Variants in RGS7 observed in about 807,000 individuals in gnomAD.
The protein encoded by RGS7 is regulator of G-protein signaling 7.
Under a neutral mutation model 81.1 loss-of-function variants are expected in RGS7, and 27 were observed. The ratio of observed to expected loss-of-function variants is 0.33; its 90% confidence interval spans 0.25 to 0.46. RGS7 has a LOEUF of 0.46. Ranked by LOEUF, RGS7 falls within the 20% of genes least tolerant of loss-of-function variation. The pLI is 1.00. For synonymous variants in RGS7, 208 were observed against 207.7 expected (o/e 1.00, Z -0.01); for missense variants, 396 against 607.4 (o/e 0.65, Z 3.66).
chr1:241,249,567 T>C (rs373734201), intron 2 of RGS7, among the ~76,000 whole-genome samples: 4 of 152,216 alleles, frequency 2.6e-5, no homozygotes, highest in East Asian at 3.8e-4. Context: ...TTCATTTCCA[T>C]ATAAATTTTA....
intron 3 of RGS7, among the ~76,000 whole-genome samples, chr1:241,038,549 A>T (rs1033154829): frequency 6.6e-6 from 1 of 152,238 alleles, no homozygotes; most frequent in Non-Finnish European, 1.5e-5. Flanking sequence ...AGCTGACTGA[A>T]AGAACAAACA....
chr1:240,895,632 G>A (rs1213974618), intron 6 of RGS7, among the ~76,000 whole-genome samples: 1 of 152,092 alleles, frequency 6.6e-6, no homozygotes, highest in East Asian at 1.9e-4. Context: ...CTTTTTTATG[G>A]CTGCATAGTA....
chr1:240,969,537 T>C (rs1181876700), intron 4 of RGS7, among the ~76,000 whole-genome samples: 1 of 152,206 alleles, frequency 6.6e-6, no homozygotes, highest in Non-Finnish European at 1.5e-5. Flanking sequence ...TTCTACAAGA[T>C]AAAAGACAGA....
chr1:241,005,395 C>T (rs1355011993), intron 3 of RGS7, among the ~76,000 whole-genome samples: 3 of 152,082 alleles, frequency 2.0e-5, no homozygotes, highest in South Asian at 4.1e-4. Flanking sequence ...AATTTAAATG[C>T]CCTCCTGATC....
At chr1:240,939,538 T>C (rs1265178050) in intron 4 of RGS7, among the ~76,000 whole-genome samples, 1 of 152,092 alleles carries the variant, frequency 6.6e-6, no homozygotes, top group Non-Finnish European at 1.5e-5. Context: ...ATAGTCCTGG[T>C]TAAATTCTGA....
intron 2 of RGS7, among the ~76,000 whole-genome samples, chr1:241,337,228 G>C (rs116533484): frequency 2.9e-4 from 44 of 152,186 alleles, no homozygotes; most frequent in African/African-American, 1.0e-3. Context: ...CCACCATTCT[G>C]TACTCCATTG....
At chr1:241,082,842 A>ACTGC (rs1321011968) in intron 3 of RGS7, among the ~76,000 whole-genome samples, 1 of 152,242 alleles carries the variant, frequency 6.6e-6, no homozygotes. Context: ...CAAAATATGT[A>ACTGC]CAACTATGAT....
chr1:241,324,342 C>A (rs12760760), intron 2 of RGS7, among the ~76,000 whole-genome samples: 31,005 of 144,476 alleles, frequency 0.21, 3,277 homozygotes, highest in East Asian at 0.27. Flanking sequence ...GCAAAAAAAA[C>A]AAAAAAAAAA....
At chr1:241,128,775 G>C (rs536436203) in intron 2 of RGS7, among the ~76,000 whole-genome samples, 484 of 35,186 alleles carry the variant, frequency 0.014, 9 homozygotes, top group African/African-American at 0.045. Context: ...CAGAATAATA[G>C]GCAAAAAAAA....
At chr1:241,259,667 A>AT (rs1553302296) in intron 2 of RGS7, among the ~76,000 whole-genome samples, 7,987 of 49,140 alleles carry the variant, frequency 0.16, 905 homozygotes, top group East Asian at 0.31. Context: ...AAAAAAAAAA[A>AT]ATATATATAT....
At chr1:241,076,862 A>G (rs952045828) in intron 3 of RGS7, among the ~76,000 whole-genome samples, 3 of 152,198 alleles carry the variant, frequency 2.0e-5, no homozygotes, top group African/African-American at 7.2e-5. Flanking sequence ...GAAAGAGTGT[A>G]ACTTTCAAAA....
intron 2 of RGS7, among the ~76,000 whole-genome samples, chr1:241,274,482 G>T (rs2078086768): frequency 6.6e-6 from 1 of 152,096 alleles, no homozygotes; most frequent in South Asian, 2.1e-4. Flanking sequence ...TATGTACATG[G>T]AACTAATATT....
intron 3 of RGS7, among the ~76,000 whole-genome samples, chr1:241,052,326 TA>T (rs1346412288): frequency 6.6e-6 from 1 of 151,962 alleles, no homozygotes; most frequent in Non-Finnish European, 1.5e-5. Flanking sequence ...AGAAACAGGC[TA>T]GGAGGGGAGG....
intron 3 of RGS7, among the ~76,000 whole-genome samples, chr1:241,064,812 G>A (rs1372006611): frequency 6.6e-6 from 1 of 152,036 alleles, no homozygotes; most frequent in Non-Finnish European, 1.5e-5. Context: ...TTGTGCATCC[G>A]TAGTGCCATA....
chr1:241,184,379 G>A (rs938711082), intron 2 of RGS7, among the ~76,000 whole-genome samples: 2 of 152,138 alleles, frequency 1.3e-5, no homozygotes, highest in African/African-American at 4.8e-5. Context: ...CACACATCAG[G>A]TTGGTATGAC....
intron 3 of RGS7, 127 bp downstream of exon 3, chr1:241,098,539 C>T: frequency 2.8e-6 from 2 of 716,752 alleles, no homozygotes; most frequent in Non-Finnish European, 5.0e-6. Flanking sequence ...ATACCACAGG[C>T]ATTTTATAAG....
intron 2 of RGS7, among the ~76,000 whole-genome samples, chr1:241,264,827 A>C (rs1317050228): frequency 6.6e-6 from 1 of 152,208 alleles, no homozygotes; most frequent in Non-Finnish European, 1.5e-5. Context: ...CAGGAGATAG[A>C]GGGAGGACCT....
At chr1:241,181,064 A>G (rs927963232) in intron 2 of RGS7, among the ~76,000 whole-genome samples, 2 of 152,340 alleles carry the variant, frequency 1.3e-5, no homozygotes, top group African/African-American at 4.8e-5. Flanking sequence ...AGAGGGATGG[A>G]TGAATCGGCA....
At chr1:241,306,028 G>A (rs2080090601) in intron 2 of RGS7, 1 of 154,396 alleles carries the variant, frequency 6.5e-6, no homozygotes. Flanking sequence ...TATGGGGGCT[G>A]AAGCATGGAA....
Sources: allele counts gnomAD v4.1 joint callset (sites outside exome capture counted in the v4.1 genomes callset), GRCh38; gene constraint gnomAD v4.1.1; transcripts MANE v1.5; gene names NCBI Gene and HGNC (gene_info 2026-07-23, HGNC 2026-07-21).